CSNK1D: variants seen among roughly 807,000 people sequenced by gnomAD.
CSNK1D encodes casein kinase 1 delta.
A neutral mutation model predicts 46.6 loss-of-function variants in CSNK1D; 16 were observed. That is an observed-to-expected ratio of 0.34 (90% CI 0.23 to 0.52). The LOEUF is 0.52. Among genes scored for constraint, CSNK1D ranks in the 20% least tolerant of loss-of-function variants. The probability of loss-of-function intolerance (pLI) is 0.95; values close to 1 mark genes in which losing one functional copy is unlikely to be tolerated. For synonymous variants in CSNK1D, 276 were observed against 228.2 expected (o/e 1.21, Z -1.89); for missense variants, 398 against 578.4 (o/e 0.69, Z 3.20).
At chr17:82,270,267 C>A (rs1193280744) in intron 1 of CSNK1D, among the ~76,000 whole-genome samples, 1 of 152,220 alleles carries the variant, frequency 6.6e-6, no homozygotes, top group Non-Finnish European at 1.5e-5. Flanking sequence ...CTCCAACTGT[C>A]ACAGCAGGGT....
At position 82,273,447 on chromosome 17, in the gene CSNK1D, G is replaced by A. The variant is rs11552083; in HGVS notation, c.-66C>T. The A allele has an allele frequency of 3.8e-6, 6 of 1,583,896 alleles. No individual in the cohort carries two copies. Among genetic ancestry groups the A allele is most frequent in the South Asian group, 1.1e-5 (1 of 88,746 alleles). Reference sequence around the variant, plus strand: ...TCCTGGGTCTGAACTCTGGGAGGCGGCGCCGCTGCTGCCGCTACTGCGGGT... The same window carrying A: ...TCCTGGGTCTGAACTCTGGGAGGCGACGCCGCTGCTGCCGCTACTGCGGGT... On this transcript the variant is annotated 5_prime_UTR_variant, in exon 1 of 9. Coordinates refer to ENST00000314028, the MANE Select transcript of CSNK1D (RefSeq NM_001893.6). The surrounding 1 kb of genome is among the most constrained non-coding windows in gnomAD (Gnocchi z 5.1).
intron 1 of CSNK1D, 64 bp from the exon 2 acceptor site, chr17:82,265,860 G>A: frequency 7.7e-7 from 1 of 1,294,512 alleles, no homozygotes; most frequent in Non-Finnish European, 1.1e-6. Context: ...CCAACATGCT[G>A]GAGAAACAAC....
chr17:82,269,591 T>A (rs1329003171), intron 1 of CSNK1D, among the ~76,000 whole-genome samples: 2 of 152,172 alleles, frequency 1.3e-5, no homozygotes, highest in Non-Finnish European at 2.9e-5. Context: ...AGGTAACAGG[T>A]GGACAAATGG....
At chr17:82,268,969 C>T (rs533636088) in intron 1 of CSNK1D, among the ~76,000 whole-genome samples, 18 of 151,994 alleles carry the variant, frequency 1.2e-4, no homozygotes, top group Admixed American at 4.6e-4. Context: ...TGCTGGTGTG[C>T]GCCTCTAACC....
At chr17:82,247,664 A>G (rs2050885041) in intron 8 of CSNK1D, 1 of 985,426 alleles carries the variant, frequency 1.0e-6, no homozygotes, top group Non-Finnish European at 1.2e-6. Flanking sequence ...AGGCTCGTGG[A>G]AAGAAGCCAG....
At chr17:82,260,753 A>G in intron 2 of CSNK1D, 1 of 157,512 alleles carries the variant, frequency 6.3e-6, no homozygotes, top group Non-Finnish European at 1.4e-5. Context: ...GATGTGACTG[A>G]TGGTATACTG....
chr17:82,253,260 G>C lies in CSNK1D; in HGVS notation c.337-16C>G, dbSNP rs889444624. 2.5e-6 allele frequency: 4 copies of C among 1,609,570 alleles called. No individual in the cohort carries two copies. Among genetic ancestry groups the C allele is most frequent in the Non-Finnish European group, 3.4e-6 (4 of 1,175,982 alleles). On this transcript the variant is annotated splice_polypyrimidine_tract_variant and intron_variant, in intron 3 of 8. Transcript: ENST00000314028. The stretch of plus-strand genomic sequence containing the variant: ...TGCGACTGATCTGTGAGCAGAGCAA[G>C]GGCGCGAGATGGCACCCCAGGGCAG...
At chr17:82,254,552 C>T (rs1468886361) in intron 3 of CSNK1D, 2 of 153,216 alleles carry the variant, frequency 1.3e-5, no homozygotes, top group Admixed American at 8.8e-5. Context: ...GCTGAGCCGC[C>T]GGAGCCTCGA....
In CSNK1D at chr17:82,251,845, GT is replaced by G. The variant is rs2051018546; in HGVS notation, c.737-319del. ...CTCTACTGAAAAAAAAAAAAAAAAA[GT>G]TCTAGAGCGTGGTGGCGGGCGCCTG... On this transcript the variant is annotated intron_variant, in intron 5 of 8. Coordinates refer to ENST00000314028, the MANE Select transcript of CSNK1D (RefSeq NM_001893.6). The surrounding 1 kb of genome is among the most constrained non-coding windows in gnomAD (Gnocchi z 4.5). 1 of 352,658 alleles carries G rather than the reference GT, an allele frequency of 2.8e-6. No individual in the cohort carries two copies. The highest frequency in any genetic ancestry group is 5.3e-6 in the Non-Finnish European group (1 of 187,198). 21.8% of individuals were successfully genotyped at this position (352,658 alleles called of 1,614,324 possible). A position where few individuals can be genotyped will look rare whatever the true frequency, so the allele number is the denominator to read the frequency against.
rs1019879302 is a variant in CSNK1D at position 82,273,609 on chromosome 17, C to T, written c.-228G>A. ...GCCGCTGCTCCGGCCCCTACCGGTC[C>T]CGCTTGCCCTCTCCCCGCCGCGGAT... is the stretch of plus-strand genomic sequence containing the variant. On this transcript the variant is annotated 5_prime_UTR_variant, in exon 1 of 9. Transcript: ENST00000314028. The surrounding 1 kb of genome is among the most constrained non-coding windows in gnomAD (Gnocchi z 5.1). 1.8e-6 allele frequency: 1 copy of T among 563,398 alleles called. No individual in the cohort carries two copies. The highest frequency in any genetic ancestry group is 2.0e-5 in the African/African-American group (1 of 49,794). 34.9% of individuals were successfully genotyped at this position (563,398 alleles called of 1,614,324 possible).
chr17:82,247,044 G>A (rs1461481064), intron 8 of CSNK1D: 3 of 985,464 alleles, frequency 3.0e-6, no homozygotes, highest in African/African-American at 1.7e-5. Context: ...ACAAAGGAGG[G>A]GGCCCGCCCT....
At chr17:82,246,957 C>T (rs914685571) in intron 8 of CSNK1D, 1 of 985,492 alleles carries the variant, frequency 1.0e-6, no homozygotes. Context: ...AGCTGCTGCT[C>T]ACAGCCACCA....
rs2050759440 is a variant in CSNK1D, at chr17:82,242,744, G to A, written c.*2037C>T. The A allele has an allele frequency of 1.0e-6, 1 of 985,488 alleles. No homozygotes were observed. The highest frequency in any genetic ancestry group is 1.7e-5 in the African/African-American group (1 of 57,364). 61.0% of individuals were successfully genotyped at this position (985,488 alleles called of 1,614,324 possible). A position where few individuals can be genotyped will look rare whatever the true frequency, so the allele number is the denominator to read the frequency against. On this transcript the variant is annotated 3_prime_UTR_variant, in exon 9 of 9. Coordinates refer to ENST00000314028, the MANE Select transcript of CSNK1D (RefSeq NM_001893.6). Reference sequence around the variant, plus strand: ...AATACAGTGGCGATACAAACGCACAGCTCGGAGACTGGCCGTCAGTGCACA... The same window carrying A: ...AATACAGTGGCGATACAAACGCACAACTCGGAGACTGGCCGTCAGTGCACA...
At position 82,244,639 on chromosome 17, in the gene CSNK1D, A is replaced by G; in HGVS notation, c.*142T>C. The G allele has an allele frequency of 1.3e-6, 2 of 1,545,708 alleles. No individual in the cohort carries two copies. The highest frequency in any genetic ancestry group is 2.4e-5 in the East Asian group (1 of 41,680). On this transcript the variant is annotated 3_prime_UTR_variant, in exon 9 of 9. Transcript: ENST00000314028. Reference sequence around the variant, plus strand: ...GTCCGTTTAGTATGTTTCCCCCACGAGCGTCGCTGGGTGAGTGGCCTGGAG... The same window carrying G: ...GTCCGTTTAGTATGTTTCCCCCACGGGCGTCGCTGGGTGAGTGGCCTGGAG...
rs1239920465 is a variant in CSNK1D, at chr17:82,249,230, CG to C, written c.1057+200del. On this transcript the variant is annotated intron_variant, in intron 7 of 8. Coordinates refer to ENST00000314028, the MANE Select transcript of CSNK1D (RefSeq NM_001893.6). The surrounding 1 kb of genome is among the most constrained non-coding windows in gnomAD (Gnocchi z 6.7). ...GCTCACAGGGGAGGAACGTGAGATG[CG>C]GGAGGAATCACGCACACCAGCAGGT... The C allele has an allele frequency of 1.3e-6, 1 of 759,412 alleles. No individual in the cohort carries two copies. The highest frequency in any genetic ancestry group is 2.1e-6 in the Non-Finnish European group (1 of 479,034). The allele number at this position is 759,412 out of a possible 1,614,324, so 47.0% of individuals were successfully genotyped here.
rs376297131 is a variant in CSNK1D, at chr17:82,255,059, A to T, written c.336+370T>A. The T allele has an allele frequency of 2.8e-6, 1 of 354,270 alleles. No homozygotes were observed. Among genetic ancestry groups the T allele is most frequent in the Non-Finnish European group, 5.3e-6 (1 of 190,058 alleles). 21.9% of individuals were successfully genotyped at this position (354,270 alleles called of 1,614,324 possible). A position where few individuals can be genotyped will look rare whatever the true frequency, so the allele number is the denominator to read the frequency against. On this transcript the variant is annotated intron_variant, in intron 3 of 8. Coordinates refer to ENST00000314028, the MANE Select transcript of CSNK1D (RefSeq NM_001893.6). This position sits in a 1 kb window ranked among gnomAD's most constrained non-coding sequence, Gnocchi z 5.9. ...GGAGCCTCGAGAAGCCAGTGAGCTGAGCCGCCGGAGCCTCGAGAAGCCAGT... is the reference window on the plus strand; with the variant it reads ...GGAGCCTCGAGAAGCCAGTGAGCTGTGCCGCCGGAGCCTCGAGAAGCCAGT...
chr17:82,240,037 C>T (rs1042240439), downstream of CSNK1D: 42 of 1,233,670 alleles, frequency 3.4e-5, no homozygotes, highest in African/African-American at 9.3e-5. Context: ...CGCGTGCAGC[C>T]GGAGAGATGC....
chr17:82,273,218 G>T lies in CSNK1D; in HGVS notation c.76+88C>A, dbSNP rs2051683668. The T allele has an allele frequency of 3.0e-6, 4 of 1,332,968 alleles. No homozygotes were observed. Among genetic ancestry groups the T allele is most frequent in the Non-Finnish European group, 4.1e-6 (4 of 964,212 alleles). 82.6% of individuals were successfully genotyped at this position (1,332,968 alleles called of 1,614,324 possible). On this transcript the variant is annotated intron_variant, in intron 1 of 8. Transcript: ENST00000314028. This position sits in a 1 kb window ranked among gnomAD's most constrained non-coding sequence, Gnocchi z 5.1. The stretch of plus-strand genomic sequence containing the variant: ...GGACTTGCGCGGAGACCCCGCGGGG[G>T]CCACCACTTCCTTCCGCGATCGCGC...
At chr17:82,239,232 C>G, downstream of CSNK1D, 1 of 212,836 alleles carries the variant, frequency 4.7e-6, no homozygotes, top group Non-Finnish European at 9.0e-6. Flanking sequence ...CTGCTGCTCC[C>G]AGGTGGCCTG....
Sources: allele counts gnomAD v4.1 joint callset (sites outside exome capture counted in the v4.1 genomes callset), GRCh38; gene constraint gnomAD v4.1.1; non-coding constraint Gnocchi (gnomAD v3.1); transcripts MANE v1.5; gene names NCBI Gene and HGNC (gene_info 2026-07-23, HGNC 2026-07-21).